The following CPD variants were observed in gnomAD, a reference collection of about 807,000 sequenced individuals.
The protein encoded by CPD is carboxypeptidase D.
Under a neutral mutation model 138.3 loss-of-function variants are expected in CPD, and 69 were observed. The observed-to-expected ratio is 0.50, with a 90% CI of 0.41 to 0.61. The LOEUF (loss-of-function observed/expected upper bound fraction) is 0.61, where lower values mean the gene tolerates loss of function less well. Ranked by LOEUF, CPD falls within the 20% of genes least tolerant of loss-of-function variation. CPD has a pLI of 0.00. For synonymous variants in CPD, 651 were observed against 642.1 expected, an observed-to-expected ratio of 1.01 and a Z score of -0.21; for missense variants, 1,432 against 1,733.3, an observed-to-expected ratio of 0.83 and a Z score of 3.09.
At chr17:30,404,274 C>G (rs985643664) in intron 2 of CPD, among the ~76,000 whole-genome samples, 1 of 152,066 alleles carries the variant, frequency 6.6e-6, no homozygotes, top group Non-Finnish European at 1.5e-5. Context: ...ACTAGATTGT[C>G]AAAATTCTTT....
At position 30,444,588 on chromosome 17, in the gene CPD, A is replaced by G. The variant is rs376203365; in HGVS notation, c.2543+617A>G. Among the ~76,000 whole-genome samples, 44 of 132,464 alleles carry G rather than the reference A, an allele frequency of 3.3e-4. 1 individual carries two copies. The highest frequency in any genetic ancestry group is 1.1e-3 in the African/African-American group (37 of 33,810). The allele number at this position is 132,464 out of a possible 152,430, so 86.9% of individuals were successfully genotyped here. A position where few individuals can be genotyped will look rare whatever the true frequency, so the allele number is the denominator to read the frequency against. On this transcript the variant is annotated intron_variant, in intron 11 of 20. Coordinates refer to ENST00000225719, the MANE Select transcript of CPD (RefSeq NM_001304.5). ...CGCCCAGGCTGGAGTGCATGGCACT[A>G]TCTCAGCTGCCTGCAACTTCTGCCT...
chr17:30,423,742 A>C, intron 6 of CPD, 45 bp downstream of exon 6: 1 of 1,328,474 alleles, frequency 7.5e-7, no homozygotes, highest in Non-Finnish European at 1.0e-6. Flanking sequence ...CATCATATAG[A>C]ATGATTATTT....
At chr17:30,402,805 A>G (rs1391883381) in intron 2 of CPD, among the ~76,000 whole-genome samples, 1 of 152,102 alleles carries the variant, frequency 6.6e-6, no homozygotes, top group Non-Finnish European at 1.5e-5. Flanking sequence ...TTTAAATCCT[A>G]TTAAAACATA....
intron 2 of CPD, among the ~76,000 whole-genome samples, chr17:30,420,297 C>T (rs1195121123): frequency 6.6e-6 from 1 of 152,152 alleles, no homozygotes; most frequent in African/African-American, 2.4e-5. Flanking sequence ...GCTCTTGCCA[C>T]CTTCTTGATA....
In CPD at chr17:30,379,625, C is replaced by A. The variant is rs1167061293; in HGVS notation, c.645C>A (p.Asp215Glu). The change falls in exon 1 of 21, where the codon GAC becomes GAA. Residue 215 changes from aspartate (D) to glutamate (E), a missense_variant. Asp to Glu is a conservative substitution (Grantham distance 45, BLOSUM62 2). This residue lies in a region of CPD where 484 missense variants were observed against 477.2 expected (regional missense o/e 1.01). Coordinates refer to ENST00000225719, the MANE Select transcript of CPD (RefSeq NM_001304.5). This position sits in a 1 kb window ranked among gnomAD's most constrained non-coding sequence, Gnocchi z 7.0. The stretch of plus-strand genomic sequence containing the variant: ...GCCGCGACAATAGTCGCGGCCGCGA[C>A]CTCAACCGAAGCTTTCCCGACCAGT... ...ASGRDNSRGRDLNRSFPDQFS... is the reference protein window; with the variant it reads ...ASGRDNSRGRELNRSFPDQFS... 6.7e-6 allele frequency: 10 copies of A among 1,492,140 alleles called. No homozygotes were observed. Among genetic ancestry groups the A allele is most frequent in the Non-Finnish European group, 8.8e-6 (10 of 1,136,676 alleles). The allele number at this position is 1,492,140 out of a possible 1,614,324, so 92.4% of individuals were successfully genotyped here.
chr17:30,430,002 A>G (rs1443600012), intron 7 of CPD, among the ~76,000 whole-genome samples: 1 of 152,180 alleles, frequency 6.6e-6, no homozygotes, highest in Non-Finnish European at 1.5e-5. Flanking sequence ...CTTCAGCTCT[A>G]AATAATTAAC....
chr17:30,413,169 A>G (rs1912013010), intron 2 of CPD, among the ~76,000 whole-genome samples: 1 of 152,224 alleles, frequency 6.6e-6, no homozygotes, highest in Non-Finnish European at 1.5e-5. Context: ...ATTGTGACCA[A>G]TGTAGTAGTA....
intron 9 of CPD, among the ~76,000 whole-genome samples, chr17:30,439,284 T>C (rs997347666): frequency 1.3e-5 from 2 of 152,110 alleles, no homozygotes; most frequent in African/African-American, 2.4e-5. Context: ...GCACTAAAAC[T>C]TGATTAAATG....
intron 2 of CPD, among the ~76,000 whole-genome samples, chr17:30,392,079 G>A (rs1030104390): frequency 1.7e-4 from 25 of 146,910 alleles, no homozygotes; most frequent in African/African-American, 5.8e-4. Flanking sequence ...GCGCAATCTC[G>A]GCTCACTGCA....
rs1458004083 is a variant in CPD, at chr17:30,456,339, C to T, written c.3421C>T (p.Pro1141Ser). 1.9e-6 allele frequency: 3 copies of T among 1,614,012 alleles called. No homozygotes were observed. The highest frequency in any genetic ancestry group is 2.5e-6 in the Non-Finnish European group (3 of 1,179,906). ...CATGCACATGGGTCAGCCCAGTTGC[C>T]CAAATAAATCAGGTAGATGTTTTCC... is the stretch of plus-strand genomic sequence containing the variant. Reference protein sequence around the residue: ...PSMHMGQPSCPNKSDENIPGG... With the variant: ...PSMHMGQPSCSNKSDENIPGG... Residue 1141 changes from proline to serine, a missense_variant, in exon 16 of 21, where the codon CCA (proline) becomes TCA (serine). Around this residue, in one of 6 missense-constraint regions of CPD, gnomAD observed 366 missense variants for 518.8 expected, o/e 0.71. Coordinates refer to ENST00000225719, the MANE Select transcript of CPD (RefSeq NM_001304.5).
chr17:30,383,733 CT>C (rs1014650230), intron 1 of CPD, among the ~76,000 whole-genome samples: 2 of 151,466 alleles, frequency 1.3e-5, no homozygotes, highest in Non-Finnish European at 2.9e-5. Context: ...GATAGGTTTA[CT>C]TTTTTTTCAA....
At chr17:30,447,143 G>A (rs965741544) in intron 12 of CPD, among the ~76,000 whole-genome samples, 2 of 152,120 alleles carry the variant, frequency 1.3e-5, no homozygotes, top group Non-Finnish European at 2.9e-5. Context: ...CACTCTGATG[G>A]TAGTTTCTTT....
intron 9 of CPD, 69 bp from the exon 10 acceptor site, chr17:30,442,239 G>T: frequency 2.0e-6 from 3 of 1,487,818 alleles, no homozygotes; most frequent in Non-Finnish European, 2.8e-6. Context: ...TAGGAATGTT[G>T]CTTACCTTTT....
At chr17:30,430,813 C>G (rs2143438526) in intron 7 of CPD, among the ~76,000 whole-genome samples, 1 of 151,806 alleles carries the variant, frequency 6.6e-6, no homozygotes, top group Middle Eastern at 3.4e-3. Flanking sequence ...ACCACCACAC[C>G]TGGCTTATTT....
intron 1 of CPD, among the ~76,000 whole-genome samples, chr17:30,383,086 G>T (rs1383707101): frequency 6.6e-6 from 1 of 152,158 alleles, no homozygotes; most frequent in Non-Finnish European, 1.5e-5. Flanking sequence ...TAGGGGAGAG[G>T]TGGTTAGAGT....
chr17:30,409,407 T>G lies in CPD; in HGVS notation c.995-11434T>G, dbSNP rs150738882. On this transcript the variant is annotated intron_variant, in intron 2 of 20. Transcript: ENST00000225719. ...TAGGGAGGATTCCCTCCTTTTCTAC[T>G]GATTGGAATAGTTTCAGAAGGAATG... Among the ~76,000 whole-genome samples the G allele has an allele frequency of 6.2e-3, 941 of 152,308 alleles. 29 individuals are homozygous for G. Among genetic ancestry groups the G allele is most frequent in the South Asian group, 0.057 (275 of 4,818 alleles).
intron 6 of CPD, among the ~76,000 whole-genome samples, chr17:30,425,866 A>G (rs1912391725): frequency 6.6e-6 from 1 of 152,192 alleles, no homozygotes; most frequent in Non-Finnish European, 1.5e-5. Flanking sequence ...TCTGGAAGAG[A>G]TACAGTTTTT....
intron 2 of CPD, among the ~76,000 whole-genome samples, chr17:30,420,554 C>CTAT (rs1230310168): frequency 6.6e-6 from 1 of 152,142 alleles, no homozygotes; most frequent in African/African-American, 2.4e-5. Context: ...CACAAAGCTG[C>CTAT]TATTATTATT....
At chr17:30,403,609 T>A (rs182204998) in intron 2 of CPD, among the ~76,000 whole-genome samples, 2 of 152,340 alleles carry the variant, frequency 1.3e-5, no homozygotes, top group East Asian at 3.9e-4. Flanking sequence ...TCCACTAGAA[T>A]GCTTAAAATT....
Sources: gnomAD v4.1 joint callset for allele counts (sites outside exome capture counted in the v4.1 genomes callset) on GRCh38, gnomAD v4.1.1 for gene constraint, gnomAD v4.1.1 regional missense constraint, Gnocchi (gnomAD v3.1) non-coding constraint, MANE v1.5 for transcripts, NCBI Gene and HGNC (gene_info 2026-07-23, HGNC 2026-07-21) for gene names.